The following CADM2 variants were observed in gnomAD, a reference collection of about 807,000 sequenced individuals.
CADM2 encodes immunoglobulin superfamily member 4D.
In CADM2, 12 loss-of-function variants were observed where a neutral mutation model predicts 49.8. That is an observed-to-expected ratio of 0.24 (90% CI 0.15 to 0.39). CADM2 has a LOEUF of 0.39. CADM2 is among the 10% of genes least tolerant of loss of function. The probability of loss-of-function intolerance (pLI) is 1.00; values close to 1 mark genes in which losing one functional copy is unlikely to be tolerated. For synonymous variants in CADM2, 214 were observed against 175.4 expected (o/e 1.22, Z -1.74); for missense variants, 378 against 492.3 (o/e 0.77, Z 2.20).
At chr3:85,669,959 G>A (rs187114945) in intron 1 of CADM2, among the ~76,000 whole-genome samples, 4 of 128,688 alleles carry the variant, frequency 3.1e-5, no homozygotes, top group African/African-American at 1.0e-4. Context: ...AAGAATCTTG[G>A]GTTCTTTTCT....
At chr3:85,815,150 G>T (rs1036082130) in intron 3 of CADM2, among the ~76,000 whole-genome samples, 3 of 152,104 alleles carry the variant, frequency 2.0e-5, no homozygotes, top group South Asian at 2.1e-4. Flanking sequence ...ATTCACAGCC[G>T]AATTCTACAA....
At chr3:85,650,507 G>GAAA (rs35050516) in intron 1 of CADM2, among the ~76,000 whole-genome samples, 260 of 141,976 alleles carry the variant, frequency 1.8e-3, no homozygotes, top group African/African-American at 2.4e-3. Flanking sequence ...TAAGTGATCA[G>GAAA]AAAAAAAAAA....
chr3:85,550,697 C>T (rs182927456), intron 1 of CADM2, among the ~76,000 whole-genome samples: 1 of 152,110 alleles, frequency 6.6e-6, no homozygotes, highest in African/African-American at 2.4e-5. Flanking sequence ...CTATTCTCAC[C>T]AAAATGTTTC....
chr3:85,083,462 CT>C (rs2037249815), intron 1 of CADM2, among the ~76,000 whole-genome samples: 1 of 152,078 alleles, frequency 6.6e-6, no homozygotes, highest in African/African-American at 2.4e-5. Context: ...GCACACCGTT[CT>C]TTTGAAATGC....
At chr3:85,365,346 G>A (rs2032692912) in intron 1 of CADM2, among the ~76,000 whole-genome samples, 1 of 151,800 alleles carries the variant, frequency 6.6e-6, no homozygotes. Context: ...GTGCATCTAT[G>A]ACCTTGACAA....
At chr3:85,611,365 C>T (rs1273410546) in intron 1 of CADM2, among the ~76,000 whole-genome samples, 3 of 151,362 alleles carry the variant, frequency 2.0e-5, no homozygotes, top group Non-Finnish European at 3.0e-5. Context: ...TAGAACATTG[C>T]CAATAATTTA....
At chr3:84,981,237 T>C (rs1012845328) in intron 1 of CADM2, among the ~76,000 whole-genome samples, 1 of 151,384 alleles carries the variant, frequency 6.6e-6, no homozygotes, top group Non-Finnish European at 1.5e-5. Context: ...GTTTGGTTTT[T>C]TGTTCTTGCG....
chr3:85,097,408 A>G (rs1185876984), intron 1 of CADM2, among the ~76,000 whole-genome samples: 1 of 152,166 alleles, frequency 6.6e-6, no homozygotes, highest in Non-Finnish European at 1.5e-5. Context: ...ATTGTTGGAC[A>G]TTTGGGTTGG....
intron 1 of CADM2, among the ~76,000 whole-genome samples, chr3:85,065,096 A>T (rs1376904965): frequency 6.6e-6 from 1 of 152,134 alleles, no homozygotes; most frequent in Admixed American, 6.6e-5. Context: ...AGATAATACT[A>T]ATTTTTTTCC....
intron 1 of CADM2, among the ~76,000 whole-genome samples, chr3:85,341,994 AAG>A (rs1396390442): frequency 1.3e-5 from 2 of 152,200 alleles, no homozygotes; most frequent in Non-Finnish European, 1.5e-5. Context: ...ATGGCAACAA[AAG>A]CCAAAATTGA....
intron 1 of CADM2, among the ~76,000 whole-genome samples, chr3:84,999,846 T>G (rs2033366957): frequency 6.6e-6 from 1 of 152,086 alleles, no homozygotes; most frequent in Non-Finnish European, 1.5e-5. Flanking sequence ...AGAGAATGAT[T>G]TTGAAACGTG....
At chr3:86,035,729 T>C (rs1208145362) in intron 8 of CADM2, among the ~76,000 whole-genome samples, 1 of 152,072 alleles carries the variant, frequency 6.6e-6, no homozygotes, top group African/African-American at 2.4e-5. Flanking sequence ...TTTCTTCCAT[T>C]CCCAAATGTC....
intron 1 of CADM2, among the ~76,000 whole-genome samples, chr3:84,986,236 C>G (rs1386985891): frequency 6.6e-6 from 1 of 152,114 alleles, no homozygotes; most frequent in East Asian, 1.9e-4. Flanking sequence ...TAAATTTGTT[C>G]AGGCATTTGT....
At chr3:85,024,192 T>A (rs2034625159) in intron 1 of CADM2, among the ~76,000 whole-genome samples, 1 of 152,114 alleles carries the variant, frequency 6.6e-6, no homozygotes, top group African/African-American at 2.4e-5. Flanking sequence ...TTATCAGCCA[T>A]CAAAGGAAAA....
intron 1 of CADM2, among the ~76,000 whole-genome samples, chr3:85,315,021 G>C (rs2044431814): frequency 6.6e-6 from 1 of 152,102 alleles, no homozygotes. Flanking sequence ...TAGTTGGCAG[G>C]GCCATGCTTG....
At chr3:86,009,357 A>G (rs1474868382) in intron 8 of CADM2, among the ~76,000 whole-genome samples, 1 of 145,512 alleles carries the variant, frequency 6.9e-6, no homozygotes, top group East Asian at 2.0e-4. Context: ...CCTGATCCTC[A>G]ATTATTTCAG....
At chr3:85,167,033 G>A (rs1013619597) in intron 1 of CADM2, among the ~76,000 whole-genome samples, 27 of 151,952 alleles carry the variant, frequency 1.8e-4, no homozygotes, top group Non-Finnish European at 3.8e-4. Flanking sequence ...TTTGTCCTAA[G>A]AAATAGAGAT....
At chr3:86,057,098 C>T (rs570768183) in intron 8 of CADM2, among the ~76,000 whole-genome samples, 4 of 152,060 alleles carry the variant, frequency 2.6e-5, no homozygotes, top group Non-Finnish European at 4.4e-5. Flanking sequence ...AGATAGTATT[C>T]TTAAGCGTTT....
intron 1 of CADM2, among the ~76,000 whole-genome samples, chr3:85,478,506 G>C (rs1214706338): frequency 6.6e-6 from 1 of 151,856 alleles, no homozygotes; most frequent in Non-Finnish European, 1.5e-5. Flanking sequence ...GTGGCAATGA[G>C]ATTTGGCACT....
Sources: allele counts gnomAD v4.1 joint callset (sites outside exome capture counted in the v4.1 genomes callset), GRCh38; gene constraint gnomAD v4.1.1; transcripts MANE v1.5; gene names NCBI Gene and HGNC (gene_info 2026-07-23, HGNC 2026-07-21).